RBFOX3: variants seen among roughly 807,000 people sequenced by gnomAD.
RBFOX3 encodes the protein RNA binding protein fox-1 homolog 3.
Under a neutral mutation model 48.7 loss-of-function variants are expected in RBFOX3, and 17 were observed. That is an observed-to-expected ratio of 0.35 (90% confidence interval 0.24 to 0.52). The LOEUF (loss-of-function observed/expected upper bound fraction) is 0.52. RBFOX3 is among the 20% of genes least tolerant of loss of function. RBFOX3 has a pLI of 0.94. For synonymous variants in RBFOX3, 212 were observed against 209.5 expected, an observed-to-expected ratio of 1.01 and a Z score of -0.10; for missense variants, 382 against 497.5, an observed-to-expected ratio of 0.77 and a Z score of 2.21.
At chr17:79,415,300 T>C (rs1406066517) in intron 2 of RBFOX3, among the ~76,000 whole-genome samples, 1 of 152,194 alleles carries the variant, frequency 6.6e-6, no homozygotes, top group Non-Finnish European at 1.5e-5. Flanking sequence ...AGGCTGCCCA[T>C]GGCTGGACCC....
In RBFOX3 at chr17:79,249,104, G is replaced by A. The variant is rs1311240834; in HGVS notation, c.-73-13299C>T. ...CAACGCCACCTCGCTTCCTGCAGCTGACAAAGGACTCCTGAGGCCACTAAC... is the reference window on the plus strand; with the variant it reads ...CAACGCCACCTCGCTTCCTGCAGCTAACAAAGGACTCCTGAGGCCACTAAC... On this transcript the variant is annotated intron_variant, in intron 3 of 14. Transcript: ENST00000693108. The surrounding 1 kb of genome is among the most constrained non-coding windows in gnomAD (Gnocchi z 4.1). Among the ~76,000 whole-genome samples the A allele has an allele frequency of 2.6e-5, 4 of 152,174 alleles. No individual in the cohort carries two copies. Among genetic ancestry groups the A allele is most frequent in the Non-Finnish European group, 5.9e-5 (4 of 68,026 alleles).
chr17:79,633,060 C>A, the RBFOX3 span, among the ~76,000 whole-genome samples: 43 of 152,378 alleles, frequency 2.8e-4, no homozygotes, highest in Non-Finnish European at 5.1e-4. Flanking sequence ...TGCAGACCAT[C>A]CACGAAGTTC....
chr17:79,138,304 AC>A (rs2040752712), intron 4 of RBFOX3, among the ~76,000 whole-genome samples: 1 of 152,084 alleles, frequency 6.6e-6, no homozygotes, highest in Non-Finnish European at 1.5e-5. Flanking sequence ...ACACTCGCAC[AC>A]TGTGTGGACT....
Position 79,198,729 on chromosome 17 carries a change from G to C in RBFOX3, c.-34+37037C>G, listed in dbSNP as rs966730295. Among the ~76,000 whole-genome samples the C allele has an allele frequency of 6.6e-6, 1 of 151,910 alleles. No individual in the cohort carries two copies. Among genetic ancestry groups the C allele is most frequent in the Non-Finnish European group, 1.5e-5 (1 of 68,018 alleles). ...CAACCTCCACCTTCCGGGTTCAAGC[G>C]ATTCTCCTGCCTCAGCCTCCCAAGT... On this transcript the variant is annotated intron_variant, in intron 4 of 14. Transcript: ENST00000693108. The surrounding 1 kb of genome is among the most constrained non-coding windows in gnomAD (Gnocchi z 8.2).
chr17:79,266,655 A>G (rs1448456128), intron 3 of RBFOX3, among the ~76,000 whole-genome samples: 1 of 151,586 alleles, frequency 6.6e-6, no homozygotes, highest in African/African-American at 2.4e-5. Context: ...GGCCCCAGAG[A>G]CACCAACTTT....
rs557436676 is a variant in RBFOX3 at position 79,339,709 on chromosome 17, G to A, written c.-174-31885C>T. ...TGCTGGGAGACGATAACTCGGGCTGGCACAGCAACTGTTGGCCTGGAAGTT... is the reference window on the plus strand; with the variant it reads ...TGCTGGGAGACGATAACTCGGGCTGACACAGCAACTGTTGGCCTGGAAGTT... On this transcript the variant is annotated intron_variant, in intron 2 of 14. Coordinates refer to ENST00000693108, the MANE Select transcript of RBFOX3 (RefSeq NM_001350451.2). Among the ~76,000 whole-genome samples the A allele has an allele frequency of 2.0e-5, 3 of 152,328 alleles. No individual in the cohort carries two copies. In the East Asian group the frequency reaches 5.8e-4, roughly 29 times the overall value.
At chr17:79,612,046 G>C (rs2093973532), upstream of RBFOX3, among the ~76,000 whole-genome samples, 2 of 152,264 alleles carry the variant, frequency 1.3e-5, no homozygotes, top group Admixed American at 6.5e-5. Flanking sequence ...GTGGAGTGGG[G>C]ACCCTCTGGA....
intron 2 of RBFOX3, among the ~76,000 whole-genome samples, chr17:79,463,418 A>G (rs2075774271): frequency 7.3e-6 from 1 of 137,454 alleles, no homozygotes; most frequent in South Asian, 2.5e-4. Flanking sequence ...TTCCACTGCC[A>G]TTGCCACTGC....
At chr17:79,447,929 T>C (rs2072665870) in intron 2 of RBFOX3, among the ~76,000 whole-genome samples, 1 of 152,194 alleles carries the variant, frequency 6.6e-6, no homozygotes, top group Non-Finnish European at 1.5e-5. Flanking sequence ...GTTGTTCTCA[T>C]GATAGTGAGT....
At chr17:79,587,188 A>G (rs1366584232) in intron 1 of RBFOX3, among the ~76,000 whole-genome samples, 6 of 152,134 alleles carry the variant, frequency 3.9e-5, no homozygotes. Context: ...GACCCCCCGC[A>G]ACCCTGAGAA....
At chr17:79,371,001 A>AC (rs1555692918) in intron 2 of RBFOX3, among the ~76,000 whole-genome samples, 1 of 151,886 alleles carries the variant, frequency 6.6e-6, no homozygotes, top group African/African-American at 2.4e-5. Flanking sequence ...CTCCCCCGGT[A>AC]GGGGGTTAGG....
At chr17:79,562,224 C>CT (rs2092267132) in intron 1 of RBFOX3, among the ~76,000 whole-genome samples, 1 of 152,214 alleles carries the variant, frequency 6.6e-6, no homozygotes, top group African/African-American at 2.4e-5. Flanking sequence ...GCTGAGACTA[C>CT]TGGGAACCGG....
chr17:79,108,076 A>T (rs1269858112), intron 5 of RBFOX3, among the ~76,000 whole-genome samples: 1 of 152,146 alleles, frequency 6.6e-6, no homozygotes, highest in Non-Finnish European at 1.5e-5. Flanking sequence ...TCCCAAATAC[A>T]CCCTGTGCAT....
At position 79,097,352 on chromosome 17, in the gene RBFOX3, C is replaced by G; in HGVS notation, c.695G>C (p.Arg232Pro). Residue 232 changes from arginine (R) to proline (P), a missense_variant, in exon 11 of 15, where the codon CGG (arginine) becomes CCG (proline). Arg to Pro is a moderately radical substitution (Grantham distance 103). Coordinates refer to ENST00000693108, the MANE Select transcript of RBFOX3 (RefSeq NM_001350451.2). ...AGCCCGAAATGTATTATACACGGCC[C>G]GGCCCCGGCCCCGAAGATGTGCGCC... ...YRGAHLRGRG[R>P]AVYNTFRAAP... 1 of 1,548,866 alleles carries G rather than the reference C, an allele frequency of 6.5e-7. No homozygotes were observed. Among genetic ancestry groups the G allele is most frequent in the Non-Finnish European group, 8.7e-7 (1 of 1,146,242 alleles).
At chr17:79,293,519 C>A in intron 3 of RBFOX3, among the ~76,000 whole-genome samples, 1 of 150,866 alleles carries the variant, frequency 6.6e-6, no homozygotes. Flanking sequence ...GTGGCACAAT[C>A]TTGGCTCATT....
chr17:79,604,095 T>C (rs2093773099), intron 1 of RBFOX3, among the ~76,000 whole-genome samples: 1 of 152,222 alleles, frequency 6.6e-6, no homozygotes, highest in Non-Finnish European at 1.5e-5. Flanking sequence ...TCAATGTGCA[T>C]GTAACTGTGT....
Position 79,223,803 on chromosome 17 carries a change from C to G in RBFOX3, c.-34+11963G>C, listed in dbSNP as rs529412201. Among the ~76,000 whole-genome samples the G allele has an allele frequency of 5.3e-5, 8 of 152,276 alleles. No individual in the cohort carries two copies. The East Asian group carries it at 9.7e-4, about 18-fold the overall frequency. On this transcript the variant is annotated intron_variant, in intron 4 of 14. Coordinates refer to ENST00000693108, the MANE Select transcript of RBFOX3 (RefSeq NM_001350451.2). ...GCTCAGCTGCTCTGTGGCAGTGCGC[C>G]CCCCCTACAGCACAGCACTAAAGCA...
At chr17:79,476,928 C>T (rs924013109) in intron 2 of RBFOX3, among the ~76,000 whole-genome samples, 14 of 151,574 alleles carry the variant, frequency 9.2e-5, no homozygotes, top group East Asian at 3.9e-4. Context: ...GAAAAGGAGA[C>T]GGAAGAGGAA....
intron 4 of RBFOX3, among the ~76,000 whole-genome samples, chr17:79,165,820 C>T (rs2047882684): frequency 6.6e-6 from 1 of 152,180 alleles, no homozygotes; most frequent in Non-Finnish European, 1.5e-5. Context: ...CCGTGCCTAC[C>T]TGGATCACCC....
Sources: allele counts gnomAD v4.1 joint callset (sites outside exome capture counted in the v4.1 genomes callset), GRCh38; gene constraint gnomAD v4.1.1; non-coding constraint Gnocchi (gnomAD v3.1); transcripts MANE v1.5; gene names NCBI Gene and HGNC (gene_info 2026-07-23, HGNC 2026-07-21).